TUBAL3: variants seen among roughly 807,000 people sequenced by gnomAD.
TUBAL3 encodes tubulin alpha like 3, also known as tubulin alpha chain-like 3.
In TUBAL3, 16 loss-of-function variants were observed where a neutral mutation model predicts 15.5. That is an observed-to-expected ratio of 1.04 (90% CI 0.70 to 1.57). The LOEUF is 1.57. Ranked by LOEUF, TUBAL3 falls within the 40% of genes most tolerant of loss-of-function variation. The pLI is 0.00. For missense variants in TUBAL3, 609 were observed against 576.2 expected, an observed-to-expected ratio of 1.06 and a Z score of -0.58; for synonymous variants, 238 against 224.3, an observed-to-expected ratio of 1.06 and a Z score of -0.55.
In TUBAL3 at chr10:5,393,268, C is replaced by T; in HGVS notation, c.*249G>A. The T allele has an allele frequency of 4.9e-6, 2 of 404,586 alleles. No individual in the cohort carries two copies. Among genetic ancestry groups the T allele is most frequent in the East Asian group, 7.4e-5 (2 of 27,050 alleles). 25.1% of individuals were successfully genotyped at this position (404,586 alleles called of 1,614,324 possible). On this transcript the variant is annotated 3_prime_UTR_variant, in exon 4 of 4. Transcript: ENST00000380419. ...ACAAAAAAATCCCACCTAGAAGTGA[C>T]TCAGCAGTTCAAAGGACTCTAAGCT...
chr10:5,401,333 C>A (rs921886878), intron 1 of TUBAL3, among the ~76,000 whole-genome samples: 1 of 152,146 alleles, frequency 6.6e-6, no homozygotes, highest in Non-Finnish European at 1.5e-5. Flanking sequence ...AAATTAAGCA[C>A]CTACTCTGTA....
chr10:5,395,207 C>T lies in TUBAL3; in HGVS notation c.396+120G>A. ...CCTCCCCAGTTCTGAGCACCCAGAC[C>T]AGAGCCCAGGGAGAGACGGTTGGTG... On this transcript the variant is annotated intron_variant, in intron 3 of 3. Coordinates refer to ENST00000380419, the MANE Select transcript of TUBAL3 (RefSeq NM_024803.3). This position sits in a 1 kb window ranked among gnomAD's most constrained non-coding sequence, Gnocchi z 4.6. The T allele has an allele frequency of 8.9e-7, 1 of 1,129,680 alleles. No individual in the cohort carries two copies. Among genetic ancestry groups the T allele is most frequent in the Non-Finnish European group, 1.2e-6 (1 of 838,714 alleles). 70.0% of individuals were successfully genotyped at this position (1,129,680 alleles called of 1,614,324 possible). A position where few individuals can be genotyped will look rare whatever the true frequency, so the allele number is the denominator to read the frequency against.
intron 1 of TUBAL3, among the ~76,000 whole-genome samples, chr10:5,401,788 G>C (rs535066931): frequency 6.6e-6 from 1 of 151,804 alleles, no homozygotes; most frequent in Non-Finnish European, 1.5e-5. Context: ...CTAGGCAAAT[G>C]ATATAAACAA....
In TUBAL3 at chr10:5,393,429, C is replaced by A; in HGVS notation, c.*88G>T. The A allele has an allele frequency of 8.2e-7, 1 of 1,218,038 alleles. No homozygotes were observed. Among genetic ancestry groups the A allele is most frequent in the Non-Finnish European group, 1.1e-6 (1 of 879,358 alleles). The allele number at this position is 1,218,038 out of a possible 1,614,324, so 75.5% of individuals were successfully genotyped here. On this transcript the variant is annotated 3_prime_UTR_variant, in exon 4 of 4. Coordinates refer to ENST00000380419, the MANE Select transcript of TUBAL3 (RefSeq NM_024803.3). ...GATTTGAGTTCATTTTTCTGCTCAT[C>A]AGGGGAACTACCCACTAGGCATATA...
chr10:5,403,852 G>A (rs1300942295), intron 1 of TUBAL3, among the ~76,000 whole-genome samples: 1 of 152,222 alleles, frequency 6.6e-6, no homozygotes, highest in African/African-American at 2.4e-5. Context: ...ATTAAACGCT[G>A]CTATAAGGAT....
In TUBAL3 at chr10:5,394,583, G is replaced by T; in HGVS notation, c.397-122C>A. On this transcript the variant is annotated intron_variant, in intron 3 of 3. Coordinates refer to ENST00000380419, the MANE Select transcript of TUBAL3 (RefSeq NM_024803.3). The surrounding 1 kb of genome is among the most constrained non-coding windows in gnomAD (Gnocchi z 4.3). Reference sequence around the variant, plus strand: ...AAAATCTTTCAGAAAGGACTCCTTTGCCTTTGTTAACTCCACAACAAACAT... The same window carrying T: ...AAAATCTTTCAGAAAGGACTCCTTTTCCTTTGTTAACTCCACAACAAACAT... 1 of 857,516 alleles carries T rather than the reference G, an allele frequency of 1.2e-6. No individual in the cohort carries two copies. The highest frequency in any genetic ancestry group is 1.8e-6 in the Non-Finnish European group (1 of 570,688). The allele number at this position is 857,516 out of a possible 1,614,324, so 53.1% of individuals were successfully genotyped here.
At position 5,395,457 on chromosome 10, in the gene TUBAL3, T is replaced by C; in HGVS notation, c.266A>G (p.Gln89Arg). 1.3e-6 allele frequency: 2 copies of C among 1,563,544 alleles called. No homozygotes were observed. The highest frequency in any genetic ancestry group is 1.7e-6 in the Non-Finnish European group (2 of 1,148,552). Residue 89 changes from glutamine to arginine, a missense_variant, in exon 3 of 4, where the codon CAG (glutamine) becomes CGG (arginine). Gln to Arg is a conservative substitution (Grantham distance 43). Coordinates refer to ENST00000380419, the MANE Select transcript of TUBAL3 (RefSeq NM_024803.3). The surrounding 1 kb of genome is among the most constrained non-coding windows in gnomAD (Gnocchi z 4.6). ...CTCGGGGTGGAAGAGTGAACGGTGC[T>C]GGCCCGTCCGGATCCCATCTGCAGA... ...PTVIDGIRTG[Q>R]HRSLFHPEQL...
chr10:5,404,495 A>G (rs1831901692), intron 1 of TUBAL3, among the ~76,000 whole-genome samples: 1 of 152,176 alleles, frequency 6.6e-6, no homozygotes, highest in South Asian at 2.1e-4. Flanking sequence ...GCCTAAAACA[A>G]AGGTGAAAAC....
At chr10:5,403,670 G>T (rs1485808765) in intron 1 of TUBAL3, among the ~76,000 whole-genome samples, 1 of 152,188 alleles carries the variant, frequency 6.6e-6, no homozygotes, top group Non-Finnish European at 1.5e-5. Flanking sequence ...CTTTGAAGGA[G>T]CTTAGCTTAT....
chr10:5,403,543 TA>T (rs71388426), intron 1 of TUBAL3, among the ~76,000 whole-genome samples: 42 of 148,032 alleles, frequency 2.8e-4, no homozygotes, highest in Middle Eastern at 3.4e-3. Context: ...TCACTAACAT[TA>T]AAAAAAAAAA....
chr10:5,393,455 A>G lies in TUBAL3; in HGVS notation c.*62T>C. 1 of 1,460,154 alleles carries G rather than the reference A, an allele frequency of 6.8e-7. No homozygotes were observed. 90.4% of individuals were successfully genotyped at this position (1,460,154 alleles called of 1,614,324 possible). A position where few individuals can be genotyped will look rare whatever the true frequency, so the allele number is the denominator to read the frequency against. ...AGGGGAACTACCCACTAGGCATATA[A>G]CGGCTTGAAAAGAAAACATGCCATT... On this transcript the variant is annotated 3_prime_UTR_variant, in exon 4 of 4. Coordinates refer to ENST00000380419, the MANE Select transcript of TUBAL3 (RefSeq NM_024803.3).
chr10:5,403,215 A>G (rs1831881922), intron 1 of TUBAL3, among the ~76,000 whole-genome samples: 1 of 152,174 alleles, frequency 6.6e-6, no homozygotes, highest in Non-Finnish European at 1.5e-5. Flanking sequence ...TCTGTTATAA[A>G]CAGGCTTCGA....
chr10:5,394,327 C>G lies in TUBAL3; in HGVS notation c.531G>C (p.Ser177=), dbSNP rs186242250. ...EYSRKTKLEF[S]VYPAPRISTA... is the part of the protein sequence containing the mutation. ...TGGAGATCCTGGGGGCTGGGTAGAC[C>G]GAGAACTCCAGCTTAGTCTTTCTGC... The change falls in exon 4 of 4, where the codon TCG becomes TCC. Residue 177 remains serine (S), a synonymous_variant. Transcript: ENST00000380419. This position sits in a 1 kb window ranked among gnomAD's most constrained non-coding sequence, Gnocchi z 4.3. 2 of 1,614,072 alleles carry G rather than the reference C, an allele frequency of 1.2e-6. No individual in the cohort carries two copies. The highest frequency in any genetic ancestry group is 1.7e-6 in the Non-Finnish European group (2 of 1,180,010).
rs966152963 is a variant in TUBAL3 at position 5,397,610 on chromosome 10, C to T, written c.248-2135G>A. 2.6e-5 allele frequency among the ~76,000 whole-genome samples: 4 copies of T among 152,160 alleles called. No homozygotes were observed. Among genetic ancestry groups the T allele is most frequent in the South Asian group, 2.1e-4 (1 of 4,820 alleles). ...ATCCATGCCATCCACTCTAACTTCC[C>T]GGGCACAGGTTGCTCAGGGGCTTTA... On this transcript the variant is annotated intron_variant, in intron 2 of 3. Transcript: ENST00000380419. This position sits in a 1 kb window ranked among gnomAD's most constrained non-coding sequence, Gnocchi z 4.9.
chr10:5,401,123 T>A, intron 1 of TUBAL3, 36 bp from the exon 2 acceptor site: 1 of 1,608,698 alleles, frequency 6.2e-7, no homozygotes, highest in Non-Finnish European at 8.5e-7. Flanking sequence ...ACTGAGCAGG[T>A]GTTTAGAAAA....
chr10:5,402,177 T>C lies in TUBAL3; in HGVS notation c.4-1090A>G, dbSNP rs1831863838. Among the ~76,000 whole-genome samples the C allele has an allele frequency of 2.0e-5, 3 of 152,256 alleles. 1 individual carries two copies. In the South Asian group the frequency reaches 6.2e-4, roughly 31 times the overall value. Reference sequence around the variant, plus strand: ...TGATTTTATTTTCTTGTCTAAACTTTACTATTTCTTCCACCTTCATATTCC... The same window carrying C: ...TGATTTTATTTTCTTGTCTAAACTTCACTATTTCTTCCACCTTCATATTCC... On this transcript the variant is annotated intron_variant, in intron 1 of 3. Coordinates refer to ENST00000380419, the MANE Select transcript of TUBAL3 (RefSeq NM_024803.3).
Position 5,393,691 on chromosome 10 carries a change from C to G in TUBAL3, c.1167G>C (p.Thr389=). Reference sequence around the variant, plus strand: ...GGCGGGCCCAGGCCTCCACAATCGCCGTGGTGTTGCTCAGCATGCAGATGG... The same window carrying G: ...GGCGGGCCCAGGCCTCCACAATCGCGGTGGTGTTGCTCAGCATGCAGATGG... The part of the protein sequence containing the change: ...HRSICMLSNT[T]AIVEAWARLD... The change falls in exon 4 of 4, where the codon ACG becomes ACC. Residue 389 remains threonine (T), a synonymous_variant. Coordinates refer to ENST00000380419, the MANE Select transcript of TUBAL3 (RefSeq NM_024803.3). The G allele has an allele frequency of 1.9e-6, 3 of 1,614,206 alleles. No homozygotes were observed. In the South Asian group the frequency reaches 3.3e-5, roughly 18 times the overall value.
At position 5,394,141 on chromosome 10, in the gene TUBAL3, A is replaced by T. The variant is rs1831723108; in HGVS notation, c.717T>A (p.Val239=). The T allele has an allele frequency of 4.3e-6, 7 of 1,614,236 alleles. No individual in the cohort carries two copies. The East Asian group carries it at 1.6e-4, about 36-fold the overall frequency. ...AGGCAGTGATGGAAGATACCACCTG[A>T]ACCACCAATCTATTGATGCTGGCAT... ...PSHASINRLV[V]QVVSSITASL... The change falls in exon 4 of 4, where the codon GTT becomes GTA. Residue 239 remains valine, a synonymous_variant. Coordinates refer to ENST00000380419, the MANE Select transcript of TUBAL3 (RefSeq NM_024803.3). This position sits in a 1 kb window ranked among gnomAD's most constrained non-coding sequence, Gnocchi z 4.3.
rs1831741152 is a variant in TUBAL3, at chr10:5,394,945, A to G, written c.396+382T>C. On this transcript the variant is annotated intron_variant, in intron 3 of 3. Coordinates refer to ENST00000380419, the MANE Select transcript of TUBAL3 (RefSeq NM_024803.3). This position sits in a 1 kb window ranked among gnomAD's most constrained non-coding sequence, Gnocchi z 4.3. ...TAATTATCAGTAAATAGAGTCACGC[A>G]TCTCCAGATAGGGAGTGCCTCTTGC... Among the ~76,000 whole-genome samples, 2 of 152,202 alleles carry G rather than the reference A, an allele frequency of 1.3e-5. No homozygotes were observed.
Sources: gnomAD v4.1 joint callset for allele counts (sites outside exome capture counted in the v4.1 genomes callset) on GRCh38, gnomAD v4.1.1 for gene constraint, Gnocchi (gnomAD v3.1) non-coding constraint, MANE v1.5 for transcripts, NCBI Gene and HGNC (gene_info 2026-07-23, HGNC 2026-07-21) for gene names.